ASIC2: variants seen among roughly 807,000 people sequenced by gnomAD.
The protein encoded by ASIC2 is acid-sensing ion channel 2.
A neutral mutation model predicts 57.3 loss-of-function variants in ASIC2; 25 were observed. That is an observed-to-expected ratio of 0.44 (90% CI 0.32 to 0.61). The LOEUF is 0.61. Among genes scored for constraint, ASIC2 ranks in the 20% least tolerant of loss-of-function variants. The probability of loss-of-function intolerance (pLI) is 0.06; values close to 1 mark genes in which losing one functional copy is unlikely to be tolerated. For synonymous variants in ASIC2, 319 were observed against 307.5 expected, an observed-to-expected ratio of 1.04 and a Z score of -0.39; for missense variants, 641 against 738.1, an observed-to-expected ratio of 0.87 and a Z score of 1.52.
At chr17:33,284,568 T>C (rs570298025) in intron 1 of ASIC2, among the ~76,000 whole-genome samples, 1 of 152,272 alleles carries the variant, frequency 6.6e-6, no homozygotes, top group Non-Finnish European at 1.5e-5. Context: ...TGAAAAAAAC[T>C]TCAAGGCTTG....
intron 1 of ASIC2, among the ~76,000 whole-genome samples, chr17:33,914,443 A>G (rs889319111): frequency 1.3e-5 from 2 of 151,954 alleles, no homozygotes; most frequent in Admixed American, 6.6e-5. Flanking sequence ...CCCTGACAAA[A>G]CCCAGTTCAG....
At chr17:33,866,818 TAAG>T (rs1486966450) in intron 1 of ASIC2, among the ~76,000 whole-genome samples, 1 of 152,182 alleles carries the variant, frequency 6.6e-6, no homozygotes, top group Non-Finnish European at 1.5e-5. Flanking sequence ...CTCCAGGGCC[TAAG>T]AAGAAGCCAG....
intron 1 of ASIC2, among the ~76,000 whole-genome samples, chr17:33,954,025 A>T (rs1180449790): frequency 1.3e-5 from 2 of 152,212 alleles, no homozygotes; most frequent in East Asian, 1.9e-4. Context: ...GGACCACAGG[A>T]GTGAATTAGA....
intron 1 of ASIC2, among the ~76,000 whole-genome samples, chr17:33,657,744 C>A (rs1907121267): frequency 7.5e-6 from 1 of 133,318 alleles, no homozygotes. Flanking sequence ...CCTCAGACAC[C>A]TTTGGCAGTT....
At chr17:34,007,081 T>C (rs868771185) in intron 1 of ASIC2, among the ~76,000 whole-genome samples, 3 of 152,228 alleles carry the variant, frequency 2.0e-5, no homozygotes, top group Non-Finnish European at 4.4e-5. Flanking sequence ...TATGAAGGAC[T>C]CTGAAATAAT....
At chr17:34,047,506 C>A (rs62058979) in intron 1 of ASIC2, among the ~76,000 whole-genome samples, 5 of 68,330 alleles carry the variant, frequency 7.3e-5, no homozygotes, top group Admixed American at 1.8e-4. Flanking sequence ...CACCTTTCTC[C>A]AGAAAAAAAA....
intron 1 of ASIC2, among the ~76,000 whole-genome samples, chr17:33,988,396 G>A (rs1359071463): frequency 6.6e-6 from 1 of 152,146 alleles, no homozygotes; most frequent in African/African-American, 2.4e-5. Context: ...GAGTTCCCCT[G>A]CACAAGCTCT....
chr17:33,321,803 C>A (rs1362577125), intron 1 of ASIC2, among the ~76,000 whole-genome samples: 2 of 152,154 alleles, frequency 1.3e-5, no homozygotes, highest in African/African-American at 4.8e-5. Context: ...AGTTTACAAC[C>A]CCTTAATGTG....
chr17:33,132,974 G>A (rs1463402681), intron 1 of ASIC2, among the ~76,000 whole-genome samples: 5 of 152,166 alleles, frequency 3.3e-5, no homozygotes, highest in African/African-American at 9.7e-5. Context: ...ATAGACAGAT[G>A]AACAATAAAT....
At chr17:33,221,858 C>A (rs1461612289) in intron 1 of ASIC2, among the ~76,000 whole-genome samples, 1 of 78,458 alleles carries the variant, frequency 1.3e-5, no homozygotes, top group Non-Finnish European at 3.1e-5. Flanking sequence ...CCCCTGCTAG[C>A]CCGATAGATG....
At chr17:33,781,211 C>G (rs1480383129) in intron 1 of ASIC2, among the ~76,000 whole-genome samples, 1 of 152,202 alleles carries the variant, frequency 6.6e-6, no homozygotes, top group Non-Finnish European at 1.5e-5. Context: ...ATCTTCACTG[C>G]CTGCTGCTTT....
At chr17:33,066,026 T>C in intron 3 of ASIC2, among the ~76,000 whole-genome samples, 1 of 151,862 alleles carries the variant, frequency 6.6e-6, no homozygotes, top group East Asian at 1.9e-4. Context: ...ACAGAAAGGC[T>C]CTCTTTGACC....
chr17:33,478,775 C>G (rs1374082712), intron 1 of ASIC2, among the ~76,000 whole-genome samples: 1 of 152,176 alleles, frequency 6.6e-6, no homozygotes, highest in East Asian at 1.9e-4. Context: ...GTTCTGCAAT[C>G]AGGTGATAGG....
At chr17:33,058,725 A>C (rs2097727) in intron 3 of ASIC2, among the ~76,000 whole-genome samples, 143,188 of 152,132 alleles carry the variant, frequency 0.94, 67,410 homozygotes, top group African/African-American at 0.97. Context: ...TTTTCAAGAG[A>C]CTTGCAAATG....
intron 1 of ASIC2, among the ~76,000 whole-genome samples, chr17:33,789,794 C>A (rs564307356): frequency 1.3e-5 from 2 of 152,228 alleles, no homozygotes; most frequent in East Asian, 3.9e-4. Context: ...CACTTCTGTG[C>A]GTAGTTAAAT....
intron 1 of ASIC2, among the ~76,000 whole-genome samples, chr17:33,257,466 C>A (rs902011184): frequency 6.6e-6 from 1 of 152,172 alleles, no homozygotes; most frequent in South Asian, 2.1e-4. Context: ...AGTATATAGG[C>A]GAAGTGGCTG....
At chr17:33,210,317 T>A (rs527479183) in intron 1 of ASIC2, among the ~76,000 whole-genome samples, 1 of 152,370 alleles carries the variant, frequency 6.6e-6, no homozygotes, top group South Asian at 2.1e-4. Flanking sequence ...GCCTCTGAGC[T>A]GAGCCTACTT....
At chr17:33,023,530 C>T (rs569514128) in intron 6 of ASIC2, among the ~76,000 whole-genome samples, 26 of 152,084 alleles carry the variant, frequency 1.7e-4, no homozygotes, top group Non-Finnish European at 2.9e-4. Context: ...GAAGCTTTCC[C>T]TGATGTCACC....
chr17:34,000,285 C>G (rs1157833938), intron 1 of ASIC2, among the ~76,000 whole-genome samples: 1 of 123,654 alleles, frequency 8.1e-6, no homozygotes, highest in African/African-American at 3.3e-5. Context: ...GAGTTTCACT[C>G]TTTTTGACCA....
Sources: gnomAD v4.1 joint callset for allele counts (sites outside exome capture counted in the v4.1 genomes callset) on GRCh38, gnomAD v4.1.1 for gene constraint, MANE v1.5 for transcripts, NCBI Gene and HGNC (gene_info 2026-07-23, HGNC 2026-07-21) for gene names.